CNTN6: variants seen among roughly 807,000 people sequenced by gnomAD.
CNTN6 encodes contactin 6, also known as contactin-6.
In CNTN6, 137 loss-of-function variants were observed where a neutral mutation model predicts 122.8. The ratio of observed to expected loss-of-function variants is 1.12; its 90% CI spans 0.97 to 1.29. CNTN6 has a LOEUF of 1.29. Ranked by LOEUF, CNTN6 falls within the 50% of genes most tolerant of loss-of-function variation. The probability of loss-of-function intolerance (pLI) is 0.00; values close to 1 mark genes in which losing one functional copy is unlikely to be tolerated. For synonymous variants in CNTN6, 570 were observed against 426.0 expected (o/e 1.34, Z -4.16); for missense variants, 1,634 against 1,223.4 (o/e 1.34, Z -5.01).
chr3:1,174,522 C>G (rs1435564574), intron 2 of CNTN6, among the ~76,000 whole-genome samples: 3 of 152,158 alleles, frequency 2.0e-5, no homozygotes, highest in East Asian at 1.9e-4. Context: ...ACCCTGTAGA[C>G]TGAACAATGG....
At chr3:1,295,553 A>T (rs1696065043) in intron 5 of CNTN6, 48 bp from the exon 6 acceptor site, 1 of 1,505,346 alleles carries the variant, frequency 6.6e-7, no homozygotes, top group African/African-American at 1.4e-5. Flanking sequence ...TGAATGCAGT[A>T]AGGACAGTAT....
intron 2 of CNTN6, among the ~76,000 whole-genome samples, chr3:1,165,384 G>C (rs2093223765): frequency 6.6e-6 from 1 of 152,138 alleles, no homozygotes; most frequent in African/African-American, 2.4e-5. Flanking sequence ...TTTTGCAAAT[G>C]AGTTTCAATG....
chr3:1,093,561 G>A (rs916996176), intron 1 of CNTN6, among the ~76,000 whole-genome samples: 2 of 151,626 alleles, frequency 1.3e-5, no homozygotes, highest in Non-Finnish European at 2.9e-5. Flanking sequence ...GATGAGGGGT[G>A]GGGTTTGCAG....
intron 3 of CNTN6, 118 bp downstream of exon 3, chr3:1,220,931 C>A (rs1575295664): frequency 1.8e-6 from 2 of 1,084,364 alleles, no homozygotes; most frequent in East Asian, 5.2e-5. Flanking sequence ...CAAGGAATTT[C>A]TCTACGGGTA....
Position 1,201,099 on chromosome 3 carries a change from T to TGTGTG in CNTN6, c.56-19588_56-19587insGTGTG, listed in dbSNP as rs2093862065. Among the ~76,000 whole-genome samples, 117 of 130,086 alleles carry TGTGTG rather than the reference T, an allele frequency of 9.0e-4. 1 individual carries two copies. The highest frequency in any genetic ancestry group is 7.9e-3 in the Middle Eastern group (2 of 252). 85.3% of individuals were successfully genotyped at this position (130,086 alleles called of 152,430 possible). A position where few individuals can be genotyped will look rare whatever the true frequency, so the allele number is the denominator to read the frequency against. ...GGCACCACTGTGCCCAGCTAACATT[T>TGTGTG]TGTGTGTGTGTGTGTGTGTGTGTGT... On this transcript the variant is annotated intron_variant, in intron 2 of 22. Coordinates refer to ENST00000446702, the MANE Select transcript of CNTN6 (RefSeq NM_001289080.2).
chr3:1,191,314 C>T (rs1021353085), intron 2 of CNTN6, among the ~76,000 whole-genome samples: 12 of 152,106 alleles, frequency 7.9e-5, no homozygotes, highest in African/African-American at 2.9e-4. Context: ...AAAGCCCAAG[C>T]TGTTAGTAGA....
chr3:1,356,446 T>C (rs1419441904), intron 12 of CNTN6, among the ~76,000 whole-genome samples: 1 of 151,818 alleles, frequency 6.6e-6, no homozygotes, highest in African/African-American at 2.4e-5. Flanking sequence ...GCCTATCCAT[T>C]TTCTCCAGCA....
chr3:1,370,783 G>A (rs748722983), intron 12 of CNTN6, among the ~76,000 whole-genome samples: 3 of 152,080 alleles, frequency 2.0e-5, no homozygotes, highest in Admixed American at 6.6e-5. Context: ...GGGAGGCGGA[G>A]GTTGCAATGA....
intron 2 of CNTN6, among the ~76,000 whole-genome samples, chr3:1,181,965 C>A (rs1337089923): frequency 1.3e-5 from 2 of 152,086 alleles, no homozygotes; most frequent in East Asian, 3.8e-4. Flanking sequence ...CTGCCAAACC[C>A]CTATCCTCAT....
chr3:1,379,018 A>G (rs568391633), intron 17 of CNTN6, among the ~76,000 whole-genome samples: 11 of 152,302 alleles, frequency 7.2e-5, no homozygotes, highest in Admixed American at 1.3e-4. Flanking sequence ...CCAAATAAGC[A>G]TTATCATCAT....
In CNTN6 at chr3:1,317,151, T is replaced by C. The variant is rs182018220; in HGVS notation, c.762-4499T>C. Among the ~76,000 whole-genome samples the C allele has an allele frequency of 1.4e-4, 21 of 151,936 alleles. No individual in the cohort carries two copies. In the East Asian group the frequency reaches 3.5e-3, roughly 25 times the overall value. ...CACTTTTCTCCCATTAAAAACTTTG[T>C]TAACACAGACTATTGCCGCAAAATG... On this transcript the variant is annotated intron_variant, in intron 7 of 22. Coordinates refer to ENST00000446702, the MANE Select transcript of CNTN6 (RefSeq NM_001289080.2).
intron 1 of CNTN6, among the ~76,000 whole-genome samples, chr3:1,111,496 TC>T (rs1356140936): frequency 1.3e-5 from 2 of 152,150 alleles, no homozygotes; most frequent in Admixed American, 1.3e-4. Context: ...GAGTCAGAAT[TC>T]AAAACCAGGC....
At chr3:1,306,645 TAGAGAG>T (rs10576273) in intron 7 of CNTN6, among the ~76,000 whole-genome samples, 4 of 151,732 alleles carry the variant, frequency 2.6e-5, no homozygotes, top group Admixed American at 6.6e-5. Flanking sequence ...GCAAAAATGA[TAGAGAG>T]AGAATAAATA....
At chr3:1,188,762 G>T (rs547791073) in intron 2 of CNTN6, among the ~76,000 whole-genome samples, 5 of 152,348 alleles carry the variant, frequency 3.3e-5, no homozygotes, top group African/African-American at 7.2e-5. Context: ...CTAGAGAACA[G>T]CAGGTTTCCT....
intron 20 of CNTN6, among the ~76,000 whole-genome samples, chr3:1,387,237 G>A (rs1176265985): frequency 1.3e-5 from 2 of 152,310 alleles, no homozygotes; most frequent in Admixed American, 6.5e-5. Flanking sequence ...AGCCTGTGGA[G>A]CAAAAATTTT....
At chr3:1,290,569 T>C (rs67243149) in intron 5 of CNTN6, among the ~76,000 whole-genome samples, 75,399 of 152,036 alleles carry the variant, frequency 0.5, 18,800 homozygotes, top group East Asian at 0.63. Context: ...TTGGATCTTG[T>C]ACAAGAAAGA....
chr3:1,271,083 G>T (rs1168955981), intron 4 of CNTN6, among the ~76,000 whole-genome samples: 1 of 152,088 alleles, frequency 6.6e-6, no homozygotes, highest in African/African-American at 2.4e-5. Flanking sequence ...TCACCATGTT[G>T]CCCGGGCTGG....
chr3:1,277,320 A>G lies in CNTN6; in HGVS notation c.359-1093A>G, dbSNP rs376796484. On this transcript the variant is annotated intron_variant, in intron 4 of 22. Coordinates refer to ENST00000446702, the MANE Select transcript of CNTN6 (RefSeq NM_001289080.2). ...CACAAATAAACCTTCTCCCCTGAAT[A>G]CTACTTCTGTCTTTTAGTAGGTTTT... 1.1e-3 allele frequency among the ~76,000 whole-genome samples: 156 copies of G among 139,020 alleles called. 2 individuals are homozygous for G. In the Middle Eastern group the frequency reaches 0.017, roughly 15 times the overall value. 91.2% of individuals were successfully genotyped at this position (139,020 alleles called of 152,430 possible).
chr3:1,268,507 T>G (rs1280074505), intron 4 of CNTN6, among the ~76,000 whole-genome samples: 1 of 148,594 alleles, frequency 6.7e-6, no homozygotes, highest in Non-Finnish European at 1.5e-5. Context: ...CTTGGGAGGC[T>G]GAGGCAGGAG....
Sources: gnomAD v4.1 joint callset for allele counts (sites outside exome capture counted in the v4.1 genomes callset) on GRCh38, gnomAD v4.1.1 for gene constraint, MANE v1.5 for transcripts, NCBI Gene and HGNC (gene_info 2026-07-23, HGNC 2026-07-21) for gene names.